Variants in SLIT3 observed in about 807,000 individuals in gnomAD.
SLIT3 encodes the protein slit guidance ligand 3.
SLIT3 carries 68 observed loss-of-function variants against 184.0 expected under a neutral mutation model. The observed-to-expected ratio is 0.37, with a 90% confidence interval of 0.30 to 0.45. The LOEUF (loss-of-function observed/expected upper bound fraction) is 0.45. SLIT3 is among the 20% of genes least tolerant of loss of function. The pLI is 1.00. For synonymous variants in SLIT3, 831 were observed against 828.6 expected (o/e 1.00, Z -0.05); for missense variants, 1,707 against 2,026.0 (o/e 0.84, Z 3.02).
chr5:168,700,756 TC>T, intron 26 of SLIT3, 77 bp from the exon 27 acceptor site: 2 of 1,040,912 alleles, frequency 1.9e-6, no homozygotes, highest in Non-Finnish European at 3.0e-6. Flanking sequence ...CTCCAGGGGT[TC>T]CAGCATTCTC....
intron 4 of SLIT3, among the ~76,000 whole-genome samples, chr5:169,014,460 A>G (rs1756286603): frequency 1.3e-5 from 2 of 152,204 alleles, no homozygotes; most frequent in Admixed American, 1.3e-4. Flanking sequence ...AGCCACAGCC[A>G]GGGCTTTTCT....
At chr5:169,275,416 G>C (rs1168603849) in intron 1 of SLIT3, among the ~76,000 whole-genome samples, 1 of 152,184 alleles carries the variant, frequency 6.6e-6, no homozygotes, top group Non-Finnish European at 1.5e-5. Context: ...TTCCAAACAA[G>C]GTTCACCTAG....
chr5:168,990,561 C>CT (rs1489665407), intron 4 of SLIT3, among the ~76,000 whole-genome samples: 1 of 152,162 alleles, frequency 6.6e-6, no homozygotes, highest in Admixed American at 6.5e-5. Context: ...GTCAAAACAG[C>CT]ATCATTCTAA....
intron 4 of SLIT3, among the ~76,000 whole-genome samples, chr5:168,963,637 G>A (rs1023357390): frequency 7.2e-5 from 11 of 152,230 alleles, no homozygotes; most frequent in Non-Finnish European, 1.5e-4. Flanking sequence ...CGAGGGCAGA[G>A]ACTAAGCCTT....
At chr5:169,230,601 A>G (rs1764970944) in intron 3 of SLIT3, among the ~76,000 whole-genome samples, 1 of 152,232 alleles carries the variant, frequency 6.6e-6, no homozygotes, top group Non-Finnish European at 1.5e-5. Flanking sequence ...AAGGCAACTT[A>G]AACTTTAAAC....
chr5:169,073,834 G>A (rs1159534552), intron 4 of SLIT3, among the ~76,000 whole-genome samples: 1 of 152,086 alleles, frequency 6.6e-6, no homozygotes, highest in Non-Finnish European at 1.5e-5. Context: ...CACACTTCCT[G>A]TACAGCCTGC....
intron 4 of SLIT3, among the ~76,000 whole-genome samples, chr5:168,901,483 T>C (rs964610521): frequency 6.6e-6 from 1 of 152,216 alleles, no homozygotes; most frequent in African/African-American, 2.4e-5. Context: ...TCCTCCCAGT[T>C]TGACTTCCTT....
At chr5:169,052,545 C>G (rs753036002) in intron 4 of SLIT3, among the ~76,000 whole-genome samples, 2 of 152,034 alleles carry the variant, frequency 1.3e-5, no homozygotes, top group Non-Finnish European at 2.9e-5. Flanking sequence ...AGCGAGGCCA[C>G]GTAAGACTTC....
chr5:169,169,930 G>A (rs748827305), intron 4 of SLIT3, among the ~76,000 whole-genome samples: 7 of 152,218 alleles, frequency 4.6e-5, no homozygotes, highest in African/African-American at 7.2e-5. Context: ...GCCACAGAGC[G>A]CAAGTCCAGC....
chr5:168,751,256 A>G (rs994039752), intron 18 of SLIT3, among the ~76,000 whole-genome samples: 1 of 152,226 alleles, frequency 6.6e-6, no homozygotes, highest in Non-Finnish European at 1.5e-5. Flanking sequence ...CAGTAGGCAT[A>G]GGGCAGCAAC....
chr5:169,220,318 G>GAA (rs34319698), intron 3 of SLIT3, among the ~76,000 whole-genome samples: 89 of 129,166 alleles, frequency 6.9e-4, no homozygotes, highest in East Asian at 2.7e-3. Flanking sequence ...TAGCCAAATG[G>GAA]AAAAAAAAAA....
chr5:169,223,901 T>C (rs1204415867), intron 3 of SLIT3, among the ~76,000 whole-genome samples: 1 of 152,088 alleles, frequency 6.6e-6, no homozygotes, highest in African/African-American at 2.4e-5. Context: ...CTGCAGGCAA[T>C]GGGGAGGGCT....
intron 3 of SLIT3, among the ~76,000 whole-genome samples, chr5:169,234,171 A>AG (rs1406945473): frequency 1.3e-5 from 2 of 152,208 alleles, no homozygotes; most frequent in Non-Finnish European, 2.9e-5. Flanking sequence ...TCAGGTCAGC[A>AG]GGGGCCCTGG....
chr5:168,948,638 T>C (rs1251332910), intron 4 of SLIT3, among the ~76,000 whole-genome samples: 2 of 152,078 alleles, frequency 1.3e-5, no homozygotes, highest in Admixed American at 6.5e-5. Context: ...TGTATTTTTT[T>C]CCCCCATTAG....
At chr5:169,261,076 T>C (rs1447675885) in intron 1 of SLIT3, among the ~76,000 whole-genome samples, 3 of 152,232 alleles carry the variant, frequency 2.0e-5, no homozygotes, top group Non-Finnish European at 4.4e-5. Flanking sequence ...GAAGACAGAC[T>C]GAAGGCTGGA....
chr5:168,899,761 A>C (rs1483000712), intron 4 of SLIT3, among the ~76,000 whole-genome samples: 1 of 151,716 alleles, frequency 6.6e-6, no homozygotes. Context: ...TAAACGCTTG[A>C]GTTCTGAAAC....
intron 4 of SLIT3, among the ~76,000 whole-genome samples, chr5:169,182,063 C>T (rs1763176931): frequency 6.6e-6 from 1 of 152,136 alleles, no homozygotes; most frequent in South Asian, 2.1e-4. Context: ...CAGGATATTC[C>T]ACTTGGCCAA....
At chr5:169,102,580 T>G (rs1760060718) in intron 4 of SLIT3, among the ~76,000 whole-genome samples, 1 of 152,248 alleles carries the variant, frequency 6.6e-6, no homozygotes, top group African/African-American at 2.4e-5. Flanking sequence ...ATTATCGTAT[T>G]ATTTTTCCCA....
chr5:168,838,646 C>T (rs1758136868), intron 6 of SLIT3, among the ~76,000 whole-genome samples: 1 of 152,154 alleles, frequency 6.6e-6, no homozygotes, highest in African/African-American at 2.4e-5. Context: ...TCCTAACACC[C>T]TGTACCAGGA....
Sources: allele counts gnomAD v4.1 joint callset (sites outside exome capture counted in the v4.1 genomes callset), GRCh38; gene constraint gnomAD v4.1.1; transcripts MANE v1.5; gene names NCBI Gene and HGNC (gene_info 2026-07-23, HGNC 2026-07-21).